The following GRIA2 variants were observed in gnomAD, a reference collection of about 807,000 sequenced individuals.
GRIA2 encodes glutamate receptor 2.
Under a neutral mutation model 97.3 loss-of-function variants are expected in GRIA2, and 14 were observed. That is an observed-to-expected ratio of 0.14 (90% CI 0.10 to 0.23). GRIA2 has a LOEUF of 0.23. Among genes scored for constraint, GRIA2 ranks in the 10% least tolerant of loss-of-function variants. The pLI is 1.00. For synonymous variants in GRIA2, 412 were observed against 387.8 expected (o/e 1.06, Z -0.73); for missense variants, 558 against 1,069.8 (o/e 0.52, Z 6.67).
At chr4:157,271,760 G>A (rs1732036021) in intron 2 of GRIA2, among the ~76,000 whole-genome samples, 1 of 152,030 alleles carries the variant, frequency 6.6e-6, no homozygotes, top group Non-Finnish European at 1.5e-5. Context: ...GTTTTTTCAG[G>A]CAATTAGCCT....
chr4:157,346,613 T>C (rs1006446994), intron 12 of GRIA2, among the ~76,000 whole-genome samples: 1 of 152,158 alleles, frequency 6.6e-6, no homozygotes, highest in Admixed American at 6.6e-5. Flanking sequence ...CATAGATCTG[T>C]CACCAATGCT....
intron 2 of GRIA2, among the ~76,000 whole-genome samples, chr4:157,288,841 T>A (rs776630130): frequency 6.6e-6 from 1 of 151,894 alleles, no homozygotes; most frequent in Non-Finnish European, 1.5e-5. Context: ...TTTCTGGATG[T>A]TTTGAGGAAA....
At chr4:157,290,130 T>C (rs1250448003) in intron 2 of GRIA2, among the ~76,000 whole-genome samples, 1 of 151,876 alleles carries the variant, frequency 6.6e-6, no homozygotes, top group Non-Finnish European at 1.5e-5. Context: ...TAGAAATCAG[T>C]CATACTGTCC....
At chr4:157,337,861 T>C (rs1425096145) in intron 11 of GRIA2, among the ~76,000 whole-genome samples, 1 of 149,838 alleles carries the variant, frequency 6.7e-6, no homozygotes, top group Admixed American at 6.7e-5. Context: ...GTGGGAATGA[T>C]AAAAAAAAAT....
chr4:157,302,864 T>A (rs7689991), intron 2 of GRIA2, among the ~76,000 whole-genome samples: 1 of 152,122 alleles, frequency 6.6e-6, no homozygotes, highest in African/African-American at 2.4e-5. Flanking sequence ...GTGGGAGTGA[T>A]GAGGATGTGC....
At position 157,335,694 on chromosome 4, in the gene GRIA2, G is replaced by A; in HGVS notation, c.1290G>A (p.Lys430=). ...AGGAATCTCCGTATGTTATGATGAA[G>A]AAAAATCATGAAATGCTTGAAGGCA... ...TILESPYVMM[K]KNHEMLEGNE... The change falls in exon 10 of 16, where the codon AAG becomes AAA. Residue 430 remains lysine, a synonymous_variant. Transcript: ENST00000264426. 1 of 1,609,710 alleles carries A rather than the reference G, an allele frequency of 6.2e-7. No homozygotes were observed. Among genetic ancestry groups the A allele is most frequent in the Non-Finnish European group, 8.5e-7 (1 of 1,176,370 alleles).
chr4:157,362,066 G>A lies in GRIA2; in HGVS notation c.2407-733G>A, dbSNP rs548789412. Among the ~76,000 whole-genome samples the A allele has an allele frequency of 1.8e-4, 27 of 152,184 alleles. No homozygotes were observed. The South Asian group carries it at 2.3e-3, about 13-fold the overall frequency. ...GTATCACTGATTGGCAAGACTATTC[G>A]TGTGCATCATGTGTGCTCTGTTTGT... is the stretch of plus-strand genomic sequence containing the variant. On this transcript the variant is annotated intron_variant, in intron 14 of 15. Transcript: ENST00000264426.
chr4:157,306,761 C>A lies in GRIA2; in HGVS notation c.469+2970C>A, dbSNP rs1283072808. On this transcript the variant is annotated intron_variant, in intron 3 of 15. Transcript: ENST00000264426. ...TAATGACTTAATTTTTATGGCTTTGCCATCATGCTACATTTTAACGAGTTT... is the reference window on the plus strand; with the variant it reads ...TAATGACTTAATTTTTATGGCTTTGACATCATGCTACATTTTAACGAGTTT... 3.3e-5 allele frequency among the ~76,000 whole-genome samples: 5 copies of A among 152,130 alleles called. No individual in the cohort carries two copies. In the South Asian group the frequency reaches 6.2e-4, roughly 19 times the overall value.
intron 6 of GRIA2, among the ~76,000 whole-genome samples, chr4:157,324,541 A>T (rs750525572): frequency 6.6e-6 from 1 of 152,196 alleles, no homozygotes; most frequent in Non-Finnish European, 1.5e-5. Flanking sequence ...GGCTTTGCAC[A>T]TGGTTGAGAA....
At chr4:157,341,612 T>C (rs1735552068) in intron 12 of GRIA2, 150 bp downstream of exon 12, 11 of 601,138 alleles carry the variant, frequency 1.8e-5, no homozygotes, top group Non-Finnish European at 3.3e-5. Context: ...TTTCTGACCC[T>C]TCCCTATCCT....
At chr4:157,283,122 A>G (rs748452198) in intron 2 of GRIA2, among the ~76,000 whole-genome samples, 2 of 152,006 alleles carry the variant, frequency 1.3e-5, no homozygotes, top group Non-Finnish European at 2.9e-5. Flanking sequence ...ATATTTTTTC[A>G]TATGTAAAAG....
intron 2 of GRIA2, among the ~76,000 whole-genome samples, chr4:157,234,972 T>G (rs1730179274): frequency 6.6e-6 from 1 of 152,100 alleles, no homozygotes; most frequent in Non-Finnish European, 1.5e-5. Context: ...AAATATTCAC[T>G]ACCTTATTCT....
intron 2 of GRIA2, among the ~76,000 whole-genome samples, chr4:157,248,904 C>T (rs1351220552): frequency 1.3e-5 from 2 of 151,004 alleles, no homozygotes; most frequent in Non-Finnish European, 2.9e-5. Flanking sequence ...GTGGGATGAT[C>T]TTGGCTCACT....
intron 14 of GRIA2, 130 bp from the exon 15 acceptor site, chr4:157,362,669 C>T (rs560745283): frequency 1.3e-6 from 1 of 782,004 alleles, no homozygotes; most frequent in Admixed American, 2.4e-5. Flanking sequence ...AGAGAAAATC[C>T]ATTGTTTCTC....
At chr4:157,250,644 T>A (rs6851881) in intron 2 of GRIA2, among the ~76,000 whole-genome samples, 1 of 151,742 alleles carries the variant, frequency 6.6e-6, no homozygotes, top group South Asian at 2.1e-4. Context: ...TATAGAAACA[T>A]ATAAACACAT....
chr4:157,330,925 G>C (rs550504180), intron 6 of GRIA2, among the ~76,000 whole-genome samples: 8 of 151,926 alleles, frequency 5.3e-5, no homozygotes, highest in Admixed American at 1.3e-4. Context: ...TTGCCATCAT[G>C]CTCCTTTCAA....
At chr4:157,247,222 A>C (rs1216078796) in intron 2 of GRIA2, among the ~76,000 whole-genome samples, 2 of 152,216 alleles carry the variant, frequency 1.3e-5, no homozygotes, top group African/African-American at 4.8e-5. Flanking sequence ...ACTCAGATTC[A>C]TCATCTCCCA....
Position 157,354,794 on chromosome 4 carries a change from T to G in GRIA2, c.2044-5102T>G, listed in dbSNP as rs186306328. ...TAGGGTAGTGCGTATGTTAGTTTTATAGGATCTTTCTATAGGGAAGGATTC... is the reference window on the plus strand; with the variant it reads ...TAGGGTAGTGCGTATGTTAGTTTTAGAGGATCTTTCTATAGGGAAGGATTC... On this transcript the variant is annotated intron_variant, in intron 12 of 15. Coordinates refer to ENST00000264426, the MANE Select transcript of GRIA2 (RefSeq NM_001083619.3). 2.6e-4 allele frequency among the ~76,000 whole-genome samples: 39 copies of G among 152,302 alleles called. 1 individual carries two copies. The East Asian group carries it at 4.3e-3, about 17-fold the overall frequency.
chr4:157,265,301 A>G (rs1731720384), intron 2 of GRIA2, among the ~76,000 whole-genome samples: 1 of 152,128 alleles, frequency 6.6e-6, no homozygotes, highest in East Asian at 1.9e-4. Context: ...CTCTTACATA[A>G]CAAACCAGCC....
Sources: gnomAD v4.1 joint callset for allele counts (sites outside exome capture counted in the v4.1 genomes callset) on GRCh38, gnomAD v4.1.1 for gene constraint, MANE v1.5 for transcripts, NCBI Gene and HGNC (gene_info 2026-07-23, HGNC 2026-07-21) for gene names.